The following RANBP2 variants were observed in gnomAD, a reference collection of about 807,000 sequenced individuals.
The protein encoded by RANBP2 is RAN binding protein 2.
Under a neutral mutation model 303.6 loss-of-function variants are expected in RANBP2, and 57 were observed. That is an observed-to-expected ratio of 0.19 (90% CI 0.15 to 0.23). RANBP2 has a LOEUF of 0.23. Ranked by LOEUF, RANBP2 falls within the 10% of genes least tolerant of loss-of-function variation. The probability of loss-of-function intolerance (pLI) is 1.00; values close to 1 mark genes in which losing one functional copy is unlikely to be tolerated. For synonymous variants in RANBP2, 1,167 were observed against 1,301.5 expected (o/e 0.90, Z 2.23); for missense variants, 3,138 against 3,780.8 (o/e 0.83, Z 4.46).
chr2:109,610,577 G>A, the RANBP2 span, among the ~76,000 whole-genome samples: 3 of 152,160 alleles, frequency 2.0e-5, no homozygotes, highest in South Asian at 2.1e-4. Context: ...TTAGCCGGGC[G>A]TGGTGGCACA....
At chr2:108,787,950 A>T, downstream of RANBP2, 1 of 1,152,680 alleles carries the variant, frequency 8.7e-7, no homozygotes. Flanking sequence ...CTTTGTAATT[A>T]ATACATAATT....
At chr2:109,027,113 G>A in the RANBP2 span, among the ~76,000 whole-genome samples, 12 of 152,040 alleles carry the variant, frequency 7.9e-5, no homozygotes, top group East Asian at 3.9e-4. Flanking sequence ...GTGGTGGTTC[G>A]CACCTGTAAT....
the RANBP2 span, among the ~76,000 whole-genome samples, chr2:109,465,360 T>G: frequency 3.9e-5 from 6 of 152,236 alleles, no homozygotes; most frequent in African/African-American, 1.4e-4. Context: ...TAAGAGTATG[T>G]GCTGAGGTCG....
At chr2:109,591,782 T>C in the RANBP2 span, among the ~76,000 whole-genome samples, 1 of 151,890 alleles carries the variant, frequency 6.6e-6, no homozygotes, top group Non-Finnish European at 1.5e-5. Flanking sequence ...CCTATAATCA[T>C]AGCTATTTGG....
the RANBP2 span, among the ~76,000 whole-genome samples, chr2:109,006,047 G>C: frequency 6.6e-6 from 1 of 152,144 alleles, no homozygotes; most frequent in African/African-American, 2.4e-5. Context: ...TGTTGCTTCC[G>C]TGGGTTCCAT....
chr2:108,727,029 ACTT>A (rs1249958387), intron 1 of RANBP2, among the ~76,000 whole-genome samples: 1 of 152,136 alleles, frequency 6.6e-6, no homozygotes, highest in Non-Finnish European at 1.5e-5. Context: ...TCCCATGTCT[ACTT>A]CTTTCTACAC....
the RANBP2 span, among the ~76,000 whole-genome samples, chr2:109,057,751 C>T: frequency 4.6e-3 from 695 of 152,286 alleles, 5 homozygotes; most frequent in African/African-American, 0.016. Context: ...CAAAGCACCC[C>T]ACCTCTTCCT....
At position 108,736,123 on chromosome 2, in the gene RANBP2, A is replaced by C. The variant is rs776504252; in HGVS notation, c.656A>C (p.Gln219Pro). ...AAATAGGAATATCTGGAGTCTTTAC[A>C]GTGTTTGGAGTCTGATAAAAGTGAC... ...QTLKEYLESL[Q>P]CLESDKSDWR... The change falls in exon 6 of 29, where the codon CAG becomes CCG. Residue 219 changes from glutamine to proline, a missense_variant. Physicochemically the swap from Gln to Pro is moderately conservative, Grantham distance 76 (BLOSUM62 -1). Transcript: ENST00000283195. 6.2e-7 allele frequency: 1 copy of C among 1,611,778 alleles called. No homozygotes were observed. Among genetic ancestry groups the C allele is most frequent in the Non-Finnish European group, 8.5e-7 (1 of 1,179,836 alleles).
chr2:109,591,844 C>G, the RANBP2 span, among the ~76,000 whole-genome samples: 1 of 151,732 alleles, frequency 6.6e-6, no homozygotes, highest in Non-Finnish European at 1.5e-5. Context: ...GTTGAGTGAG[C>G]CGAGATTGCA....
chr2:109,094,319 T>C, the RANBP2 span, among the ~76,000 whole-genome samples: 1 of 152,124 alleles, frequency 6.6e-6, no homozygotes, highest in Non-Finnish European at 1.5e-5. Context: ...TTTTTGGGGA[T>C]CCGGTATTAT....
chr2:109,204,311 C>T, the RANBP2 span, among the ~76,000 whole-genome samples: 1 of 152,220 alleles, frequency 6.6e-6, no homozygotes, highest in African/African-American at 2.4e-5. Flanking sequence ...AGAATAAGGG[C>T]ACTCTTCTGT....
At chr2:109,221,787 A>G in the RANBP2 span, among the ~76,000 whole-genome samples, 1 of 152,170 alleles carries the variant, frequency 6.6e-6, no homozygotes, top group African/African-American at 2.4e-5. Context: ...CACTATGGAA[A>G]CCAGTAGGAA....
At chr2:109,698,170 T>C in the RANBP2 span, among the ~76,000 whole-genome samples, 11 of 152,196 alleles carry the variant, frequency 7.2e-5, no homozygotes, top group African/African-American at 2.7e-4. Context: ...TGCTTCACTT[T>C]AGATCTATTG....
the RANBP2 span, among the ~76,000 whole-genome samples, chr2:109,683,210 T>C: frequency 6.6e-6 from 1 of 152,152 alleles, no homozygotes. Context: ...TTCACCATAT[T>C]GGCCAGGCTG....
chr2:109,662,310 G>A, the RANBP2 span, among the ~76,000 whole-genome samples: 1 of 152,112 alleles, frequency 6.6e-6, no homozygotes, highest in Middle Eastern at 3.4e-3. Context: ...TTAAAAAACA[G>A]AGTTTCACTC....
the RANBP2 span, among the ~76,000 whole-genome samples, chr2:109,719,953 GGGAGTAACAGGAGGAAGTGAGCCTCT>G: frequency 6.6e-6 from 1 of 152,130 alleles, no homozygotes; most frequent in Non-Finnish European, 1.5e-5. Context: ...GCCTCAAGCT[GGGAGTAACAGGAGGAAGTGAGCCTCT>G]GGAAACTGCT....
the RANBP2 span, among the ~76,000 whole-genome samples, chr2:109,403,387 G>A: frequency 2.0e-5 from 3 of 152,338 alleles, no homozygotes; most frequent in Non-Finnish European, 2.9e-5. Flanking sequence ...CCCACAGTGA[G>A]CCAATTGTTC....
At chr2:109,076,148 G>A in the RANBP2 span, among the ~76,000 whole-genome samples, 4 of 150,148 alleles carry the variant, frequency 2.7e-5, 1 homozygote, top group Non-Finnish European at 3.0e-5. Context: ...AGGCAAATAA[G>A]TCAATGTAAT....
chr2:108,959,468 A>C, the RANBP2 span, among the ~76,000 whole-genome samples: 1 of 152,170 alleles, frequency 6.6e-6, no homozygotes, highest in Non-Finnish European at 1.5e-5. Context: ...GTCTTTCATG[A>C]GCAGAATATT....
Sources: gnomAD v4.1 joint callset for allele counts (sites outside exome capture counted in the v4.1 genomes callset) on GRCh38, gnomAD v4.1.1 for gene constraint, MANE v1.5 for transcripts, NCBI Gene and HGNC (gene_info 2026-07-23, HGNC 2026-07-21) for gene names.